The following MBD2 variants were observed in gnomAD, a reference collection of about 807,000 sequenced individuals.
MBD2 encodes methyl-CpG binding domain protein 2, also known as methyl-CpG-binding domain protein 2.
MBD2 carries 9 observed loss-of-function variants against 39.3 expected under a neutral mutation model. The observed-to-expected ratio is 0.23, with a 90% confidence interval of 0.14 to 0.40. MBD2 has a LOEUF of 0.40. Among genes scored for constraint, MBD2 ranks in the 10% least tolerant of loss-of-function variants. The pLI, the probability that MBD2 is intolerant of heterozygous loss-of-function variation, is 1.00. For synonymous variants in MBD2, 233 were observed against 211.1 expected, an observed-to-expected ratio of 1.10 and a Z score of -0.90; for missense variants, 458 against 532.6, an observed-to-expected ratio of 0.86 and a Z score of 1.38.
chr18:54,162,350 G>A (rs996329977), intron 5 of MBD2, among the ~76,000 whole-genome samples: 3 of 152,160 alleles, frequency 2.0e-5, no homozygotes, highest in Admixed American at 6.5e-5. Context: ...TTCAGCTGGA[G>A]GTTTAATGTA....
chr18:54,166,685 T>A lies in MBD2; in HGVS notation c.841-519A>T, dbSNP rs150605148. Among the ~76,000 whole-genome samples, 1,027 of 152,302 alleles carry A rather than the reference T, an allele frequency of 6.7e-3. 5 individuals carry two copies. Among genetic ancestry groups the A allele is most frequent in the Non-Finnish European group, 0.01 (708 of 68,032 alleles). On this transcript the variant is annotated intron_variant, in intron 3 of 6. Coordinates refer to ENST00000256429, the MANE Select transcript of MBD2 (RefSeq NM_003927.5). ...TTCAATGAAAAGTTTTCTAAAATGT[T>A]TTAGATGCCTCCTTTATTTTTAAAC...
At chr18:54,214,196 G>C (rs1346524988) in intron 1 of MBD2, among the ~76,000 whole-genome samples, 46 of 147,632 alleles carry the variant, frequency 3.1e-4, no homozygotes, top group Admixed American at 3.0e-3. Context: ...TTCTTTCTTT[G>C]TTTTGTTTTT....
In MBD2 at chr18:54,190,216, T is replaced by G. The variant is rs142686152; in HGVS notation, c.703-1205A>C. Among the ~76,000 whole-genome samples the G allele has an allele frequency of 3.9e-5, 6 of 152,150 alleles. No homozygotes were observed. The South Asian group carries it at 1.2e-3, about 32-fold the overall frequency. ...TAATATACAGTAGGTCTTTGAATAATGTCGTTTTGTTCAATGTCATTTTGT... is the reference window on the plus strand; with the variant it reads ...TAATATACAGTAGGTCTTTGAATAAGGTCGTTTTGTTCAATGTCATTTTGT... On this transcript the variant is annotated intron_variant, in intron 2 of 6. Coordinates refer to ENST00000256429, the MANE Select transcript of MBD2 (RefSeq NM_003927.5).
chr18:54,171,640 G>A (rs1216281405), intron 3 of MBD2, among the ~76,000 whole-genome samples: 5 of 152,152 alleles, frequency 3.3e-5, no homozygotes, highest in African/African-American at 1.2e-4. Context: ...CTTACCCAAT[G>A]TTCTGTCTTA....
At chr18:54,202,955 G>A (rs1247772639) in intron 2 of MBD2, 1 of 983,444 alleles carries the variant, frequency 1.0e-6, no homozygotes, top group Non-Finnish European at 1.7e-6. Context: ...CAGAGATGGA[G>A]ACAATGAAGC....
At chr18:54,185,002 A>G (rs2086275778) in intron 3 of MBD2, among the ~76,000 whole-genome samples, 1 of 152,238 alleles carries the variant, frequency 6.6e-6, no homozygotes. Context: ...TATACTAGAA[A>G]TAACTGTTAG....
intron 2 of MBD2, among the ~76,000 whole-genome samples, chr18:54,197,832 C>A (rs1441209218): frequency 6.6e-6 from 1 of 152,152 alleles, no homozygotes; most frequent in African/African-American, 2.4e-5. Flanking sequence ...TTAATAGAAA[C>A]CTGTACTCAA....
At chr18:54,164,394 T>C (rs1033755445) in intron 5 of MBD2, 129 bp downstream of exon 5, 3 of 806,504 alleles carry the variant, frequency 3.7e-6, no homozygotes, top group Non-Finnish European at 5.7e-6. Context: ...AAAACTCTGT[T>C]AAAAAAGAAA....
chr18:54,209,624 A>C (rs942769043), intron 1 of MBD2, among the ~76,000 whole-genome samples: 15 of 152,212 alleles, frequency 9.9e-5, no homozygotes, highest in Non-Finnish European at 2.2e-4. Context: ...TGGTGCTTTA[A>C]GGAAAGTCAA....
chr18:54,220,922 C>T (rs1331329377), intron 1 of MBD2, among the ~76,000 whole-genome samples: 1 of 152,140 alleles, frequency 6.6e-6, no homozygotes, highest in Non-Finnish European at 1.5e-5. Context: ...GTTAACAATC[C>T]TGCAAAGTAA....
intron 1 of MBD2, among the ~76,000 whole-genome samples, chr18:54,214,685 C>T (rs1260840797): frequency 6.6e-6 from 1 of 151,728 alleles, no homozygotes; most frequent in Non-Finnish European, 1.5e-5. Context: ...ACCACCTACA[C>T]ATGGCAAGCA....
chr18:54,158,447 G>A (rs1363032123), intron 6 of MBD2, among the ~76,000 whole-genome samples: 2 of 152,078 alleles, frequency 1.3e-5, no homozygotes, highest in Non-Finnish European at 2.9e-5. Context: ...TAAATAATTG[G>A]TTTTGGGGTG....
intron 3 of MBD2, among the ~76,000 whole-genome samples, chr18:54,182,444 G>T (rs1391240420): frequency 6.6e-6 from 1 of 152,086 alleles, no homozygotes; most frequent in Non-Finnish European, 1.5e-5. Context: ...GGTATGTAAG[G>T]GTCAGGGGTA....
Position 54,200,353 on chromosome 18 carries a change from T to G in MBD2, c.702+4645A>C, listed in dbSNP as rs180843414. ...ACTTGAATTTTATTAGTTTTGTAGA[T>G]TTAATTTATAAAACATTTGATGTTA... On this transcript the variant is annotated intron_variant, in intron 2 of 6. Coordinates refer to ENST00000256429, the MANE Select transcript of MBD2 (RefSeq NM_003927.5). Among the ~76,000 whole-genome samples, 11 of 152,364 alleles carry G rather than the reference T, an allele frequency of 7.2e-5. No homozygotes were observed. In the East Asian group the frequency reaches 1.9e-3, roughly 27 times the overall value.
Position 54,154,781 on chromosome 18 carries a change from A to AG in MBD2, c.*542dup, listed in dbSNP as rs1255851644. On this transcript the variant is annotated 3_prime_UTR_variant, in exon 7 of 7. Coordinates refer to ENST00000256429, the MANE Select transcript of MBD2 (RefSeq NM_003927.5). ...TCAGAGTTGAATGTAAATCAGAGGA[A>AG]GGCTAACGAGGGGTTCTTTATTGTG... is the stretch of plus-strand genomic sequence containing the variant. The AG allele has an allele frequency of 2.0e-5, 3 of 152,648 alleles. No homozygotes were observed. Among genetic ancestry groups the AG allele is most frequent in the African/African-American group, 7.2e-5 (3 of 41,468 alleles). The allele number at this position is 152,648 out of a possible 1,614,324, so 9.5% of individuals were successfully genotyped here. A position where few individuals can be genotyped will look rare whatever the true frequency, so the allele number is the denominator to read the frequency against.
rs745753798 is a variant in MBD2 at position 54,188,705 on chromosome 18, TA to T, written c.840+168del. Among the ~76,000 whole-genome samples the T allele has an allele frequency of 5.9e-5, 9 of 152,206 alleles. No homozygotes were observed. In the East Asian group the frequency reaches 1.7e-3, roughly 29 times the overall value. ...AACTTCTTAAATTTTTTCTTAAAAA[TA>T]TTTTACCTAAATTTTGCATACTTCA... On this transcript the variant is annotated intron_variant, in intron 3 of 6. Coordinates refer to ENST00000256429, the MANE Select transcript of MBD2 (RefSeq NM_003927.5).
Position 54,205,044 on chromosome 18 carries a change from T to A in MBD2, c.656A>T (p.Gln219Leu). ...GTTTCGCAGTCTCTGTTTGTTCTTC[T>A]GTAATTTACTAGGCATCATCTTTCC... The part of the protein sequence containing the change: ...RTGKMMPSKL[Q>L]KNKQRLRNDP... Residue 219 changes from glutamine (Q) to leucine (L), a missense_variant, in exon 2 of 7, where the codon CAG (glutamine) becomes CTG (leucine). This residue lies in a region of MBD2 where 189 missense variants were observed against 296.6 expected (regional missense o/e 0.64). Transcript: ENST00000256429. 6.2e-7 allele frequency: 1 copy of A among 1,614,014 alleles called. No homozygotes were observed.
rs1250463502 is a variant in MBD2 at position 54,203,231 on chromosome 18, C to G, written c.702+1767G>C. 17 of 1,182,736 alleles carry G rather than the reference C, an allele frequency of 1.4e-5. No homozygotes were observed. The East Asian group carries it at 3.0e-4, about 21-fold the overall frequency. 73.3% of individuals were successfully genotyped at this position (1,182,736 alleles called of 1,614,324 possible). On this transcript the variant is annotated intron_variant, in intron 2 of 6. Coordinates refer to ENST00000256429, the MANE Select transcript of MBD2 (RefSeq NM_003927.5). ...CTAAACTGTGGTTCTGGTAACAGTA[C>G]AGTAATCTAAAAGTACTCTTCATTT...
At chr18:54,176,501 A>G (rs543425207) in intron 3 of MBD2, among the ~76,000 whole-genome samples, 2 of 152,368 alleles carry the variant, frequency 1.3e-5, no homozygotes, top group East Asian at 1.9e-4. Flanking sequence ...CTCTTGTCAC[A>G]TAATTGTCGA....
Sources: allele counts gnomAD v4.1 joint callset (sites outside exome capture counted in the v4.1 genomes callset), GRCh38; gene constraint gnomAD v4.1.1; regional missense constraint gnomAD v4.1.1; transcripts MANE v1.5; gene names NCBI Gene and HGNC (gene_info 2026-07-23, HGNC 2026-07-21).